Variants in CFHR5 observed in about 807,000 individuals in gnomAD.
The protein encoded by CFHR5 is complement factor H-related protein 5.
Under a neutral mutation model 62.9 loss-of-function variants are expected in CFHR5, and 73 were observed. The observed-to-expected ratio is 1.16, with a 90% CI of 0.96 to 1.41. The LOEUF is 1.41. Among genes scored for constraint, CFHR5 ranks in the 40% most tolerant of loss-of-function variants. The pLI is 0.00. For synonymous variants in CFHR5, 249 were observed against 227.2 expected (o/e 1.10, Z -0.86); for missense variants, 779 against 679.9 (o/e 1.15, Z -1.62).
intron 1 of CFHR5, among the ~76,000 whole-genome samples, chr1:196,982,586 T>C (rs1486170015): frequency 6.6e-6 from 1 of 151,940 alleles, no homozygotes; most frequent in Non-Finnish European, 1.5e-5. Flanking sequence ...GGCAGGAGAA[T>C]CACTTGAACC....
chr1:196,978,817 T>A (rs534436535), intron 1 of CFHR5, among the ~76,000 whole-genome samples: 1 of 152,320 alleles, frequency 6.6e-6, no homozygotes, highest in Admixed American at 6.5e-5. Context: ...ACACAAGGAT[T>A]TCTAAAGGGG....
Position 197,008,739 on chromosome 1 carries a change from G to C in CFHR5, c.*56G>C. The C allele has an allele frequency of 4.9e-6, 7 of 1,415,532 alleles. No individual in the cohort carries two copies. Among genetic ancestry groups the C allele is most frequent in the Non-Finnish European group, 7.0e-6 (7 of 1,000,540 alleles). 87.7% of individuals were successfully genotyped at this position (1,415,532 alleles called of 1,614,324 possible). A position where few individuals can be genotyped will look rare whatever the true frequency, so the allele number is the denominator to read the frequency against. ...CAAACATCCATCTATGCTAAAAGTA[G>C]CCATTATGTAGCCAATTCTGTAGTT... is the stretch of plus-strand genomic sequence containing the variant. On this transcript the variant is annotated 3_prime_UTR_variant, in exon 10 of 10. Transcript: ENST00000256785.
chr1:196,988,604 C>G (rs898511795), intron 3 of CFHR5, among the ~76,000 whole-genome samples: 1 of 152,030 alleles, frequency 6.6e-6, no homozygotes, highest in African/African-American at 2.4e-5. Context: ...TGTCAAAGGC[C>G]TTTTCTGCAT....
chr1:196,975,604 T>G (rs191030562), upstream of CFHR5, among the ~76,000 whole-genome samples: 128 of 152,270 alleles, frequency 8.4e-4, no homozygotes, highest in Middle Eastern at 6.8e-3. Context: ...TTTCTTCTGA[T>G]TGATTCTATA....
intron 3 of CFHR5, among the ~76,000 whole-genome samples, chr1:196,984,565 A>G (rs111792389): frequency 1.3e-5 from 2 of 152,284 alleles, no homozygotes; most frequent in African/African-American, 4.8e-5. Context: ...TAAAAAGTCC[A>G]TACTTCTGAG....
intron 7 of CFHR5, among the ~76,000 whole-genome samples, chr1:197,000,477 C>G (rs1654124117): frequency 6.6e-6 from 1 of 152,110 alleles, no homozygotes; most frequent in African/African-American, 2.4e-5. Flanking sequence ...AGGTGGGCAA[C>G]TGAGATCATT....
chr1:196,977,744 A>T (rs950897794), intron 1 of CFHR5, 22 bp downstream of exon 1: 10 of 1,561,960 alleles, frequency 6.4e-6, no homozygotes, highest in Non-Finnish European at 8.8e-6. Flanking sequence ...ACAGATCCGA[A>T]TATTTTAGTT....
chr1:197,007,124 C>G lies in CFHR5; in HGVS notation c.1514-1363C>G, dbSNP rs182989246. ...TGCTGTGATTACAGGCGTGAGCCAC[C>G]ACGCCCGGCCCAATGTAGTATTTTT... On this transcript the variant is annotated intron_variant, in intron 9 of 9. Transcript: ENST00000256785. Among the ~76,000 whole-genome samples the G allele has an allele frequency of 1.8e-3, 277 of 152,086 alleles. 5 individuals carry two copies. The highest frequency in any genetic ancestry group is 5.0e-3 in the African/African-American group (206 of 41,476).
At chr1:196,975,975 G>A (rs1012948206), upstream of CFHR5, among the ~76,000 whole-genome samples, 3 of 152,120 alleles carry the variant, frequency 2.0e-5, no homozygotes, top group African/African-American at 7.2e-5. Flanking sequence ...AGAAAATGAA[G>A]GGAAGAGAAT....
rs761680547 is a variant in CFHR5, at chr1:197,004,734, T to A, written c.1404T>A (p.Tyr468Ter). 1.9e-6 allele frequency: 3 copies of A among 1,613,268 alleles called. No individual in the cohort carries two copies. The East Asian group carries it at 6.7e-5, about 36-fold the overall frequency. ...CCACCTCATTCCCATTATCAGTATA[T>A]CCTCCAGGGTCAACAGTGACGTACC... ...GDTTSFPLSV[Y>*]PPGSTVTYRC... is the part of the protein sequence containing the mutation. Residue 468 changes from tyrosine (Y) to a stop codon, truncating the protein, a stop_gained, in exon 9 of 10, where the codon TAT becomes TAA. Coordinates refer to ENST00000256785, the MANE Select transcript of CFHR5 (RefSeq NM_030787.4). LOFTEE classifies it high-confidence loss of function.
Position 196,996,033 on chromosome 1 carries a change from A to G in CFHR5, c.802A>G (p.Thr268Ala). The G allele has an allele frequency of 2.5e-6, 4 of 1,613,834 alleles. No homozygotes were observed. Among genetic ancestry groups the G allele is most frequent in the Non-Finnish European group, 3.4e-6 (4 of 1,179,802 alleles). ...TLPTCVEQVKTCGYIPELEYG... is the reference protein window; with the variant it reads ...TLPTCVEQVKACGYIPELEYG... ...TTACATTTTCTTAGAACAAGTGAAA[A>G]CATGTGGATACATACCTGAACTCGA... The change falls in exon 6 of 10, where the codon ACA becomes GCA. Residue 268 changes from threonine to alanine, a missense_variant. Coordinates refer to ENST00000256785, the MANE Select transcript of CFHR5 (RefSeq NM_030787.4).
In CFHR5 at chr1:196,993,360, T is replaced by C. The variant is rs1653897986; in HGVS notation, c.431-720T>C. On this transcript the variant is annotated intron_variant, in intron 3 of 9. Coordinates refer to ENST00000256785, the MANE Select transcript of CFHR5 (RefSeq NM_030787.4). ...CCCAGGCTGGAGTGTAGTGGTGCGA[T>C]CTCGGCTCACTGCAACCTCCGCCTC... is the stretch of plus-strand genomic sequence containing the variant. 3.9e-5 allele frequency among the ~76,000 whole-genome samples: 6 copies of C among 152,242 alleles called. No individual in the cohort carries two copies. In the South Asian group the frequency reaches 1.2e-3, roughly 32 times the overall value.
chr1:196,989,686 G>A (rs887233286), intron 3 of CFHR5, among the ~76,000 whole-genome samples: 5 of 152,146 alleles, frequency 3.3e-5, no homozygotes, highest in African/African-American at 7.2e-5. Context: ...GGTTTTGAGT[G>A]AGTTTCTTAA....
At chr1:196,983,210 C>A in intron 2 of CFHR5, 131 bp downstream of exon 2, 3 of 1,197,754 alleles carry the variant, frequency 2.5e-6, no homozygotes, top group South Asian at 1.3e-5. Flanking sequence ...GAGATGTAGT[C>A]CTCCTATTTT....
intron 6 of CFHR5, among the ~76,000 whole-genome samples, chr1:196,997,113 C>G (rs902956004): frequency 6.6e-6 from 1 of 152,070 alleles, no homozygotes; most frequent in African/African-American, 2.4e-5. Context: ...GAAACTGAAA[C>G]AGAACCGCCT....
At chr1:196,993,685 T>C (rs1367732963) in intron 3 of CFHR5, among the ~76,000 whole-genome samples, 2 of 151,750 alleles carry the variant, frequency 1.3e-5, no homozygotes, top group Non-Finnish European at 2.9e-5. Flanking sequence ...TGAAGGAATT[T>C]TTTGTGATTT....
chr1:196,987,565 T>C (rs1448203463), intron 3 of CFHR5, among the ~76,000 whole-genome samples: 11 of 152,212 alleles, frequency 7.2e-5, no homozygotes. Context: ...GGATCCAGTT[T>C]CAGCTTTCTA....
rs1021499170 is a variant in CFHR5, at chr1:196,995,728, T to C, written c.619T>C (p.Ser207Pro). The C allele has an allele frequency of 1.9e-6, 3 of 1,612,694 alleles. No individual in the cohort carries two copies. The African/African-American group carries it at 4.0e-5, about 22-fold the overall frequency. The stretch of plus-strand genomic sequence containing the variant: ...TTTCTTTATAATAGGACAAGTACGA[T>C]CATGTGGTCCACCTCCTCAACTCTC... ...NFPTCKGQVR[S>P]CGPPPQLSNG... is the part of the protein sequence containing the mutation. The change falls in exon 5 of 10, where the codon TCA becomes CCA. Residue 207 changes from serine to proline, a missense_variant. Transcript: ENST00000256785.
chr1:197,003,451 A>G (rs1483650403), intron 8 of CFHR5, among the ~76,000 whole-genome samples: 3 of 152,170 alleles, frequency 2.0e-5, no homozygotes, highest in Non-Finnish European at 2.9e-5. Flanking sequence ...TCACACAAGG[A>G]AAAAAGAGCC....
Sources: gnomAD v4.1 joint callset for allele counts (sites outside exome capture counted in the v4.1 genomes callset) on GRCh38, gnomAD v4.1.1 for gene constraint, MANE v1.5 for transcripts, NCBI Gene and HGNC (gene_info 2026-07-23, HGNC 2026-07-21) for gene names.